Variants in TLL1 observed in about 807,000 individuals in gnomAD.
The protein encoded by TLL1 is tolloid like 1.
A neutral mutation model predicts 128.2 loss-of-function variants in TLL1; 49 were observed. The ratio of observed to expected loss-of-function variants is 0.38; its 90% confidence interval spans 0.30 to 0.48. TLL1 has a LOEUF of 0.48. Among genes scored for constraint, TLL1 ranks in the 20% least tolerant of loss-of-function variants. The pLI, the probability that TLL1 is intolerant of heterozygous loss-of-function variation, is 0.96. For missense variants in TLL1, 1,123 were observed against 1,242.0 expected (o/e 0.90, Z 1.44); for synonymous variants, 454 against 418.8 (o/e 1.08, Z -1.03).
intron 10 of TLL1, among the ~76,000 whole-genome samples, chr4:166,041,145 A>T (rs1739218028): frequency 6.6e-6 from 1 of 152,212 alleles, no homozygotes; most frequent in Admixed American, 6.5e-5. Flanking sequence ...GCCTAAACAG[A>T]TATAATCTAC....
At chr4:166,015,341 G>C (rs965250496) in intron 8 of TLL1, among the ~76,000 whole-genome samples, 3 of 151,882 alleles carry the variant, frequency 2.0e-5, no homozygotes, top group Admixed American at 6.6e-5. Context: ...TGGAAGTATT[G>C]TTCTAGATAC....
chr4:166,019,792 T>G (rs1738130157), intron 8 of TLL1, among the ~76,000 whole-genome samples: 1 of 152,168 alleles, frequency 6.6e-6, no homozygotes, highest in African/African-American at 2.4e-5. Flanking sequence ...AAAATCATAC[T>G]ATCAGTTTAT....
At chr4:166,000,957 C>A (rs973028785) in intron 5 of TLL1, among the ~76,000 whole-genome samples, 1 of 151,830 alleles carries the variant, frequency 6.6e-6, no homozygotes, top group Non-Finnish European at 1.5e-5. Flanking sequence ...CAAATTAATT[C>A]ATCTAACTGG....
At chr4:165,952,975 T>G (rs1734597925) in intron 1 of TLL1, among the ~76,000 whole-genome samples, 1 of 152,178 alleles carries the variant, frequency 6.6e-6, no homozygotes, top group South Asian at 2.1e-4. Flanking sequence ...TGTGTACGTT[T>G]ACTTACTTCT....
At chr4:166,011,200 G>A (rs1281719812) in intron 7 of TLL1, among the ~76,000 whole-genome samples, 1 of 151,350 alleles carries the variant, frequency 6.6e-6, no homozygotes, top group Non-Finnish European at 1.5e-5. Flanking sequence ...CAAAAAAAAT[G>A]TTGGGATTCT....
At chr4:166,096,495 T>C (rs532482896) in intron 19 of TLL1, among the ~76,000 whole-genome samples, 1 of 152,216 alleles carries the variant, frequency 6.6e-6, no homozygotes, top group Admixed American at 6.5e-5. Flanking sequence ...TCATTTTTCC[T>C]CTTCTGTTTA....
intron 1 of TLL1, among the ~76,000 whole-genome samples, chr4:165,880,441 C>T (rs1276955533): frequency 6.6e-6 from 1 of 152,128 alleles, no homozygotes; most frequent in Admixed American, 6.5e-5. Context: ...AAATGCTATC[C>T]ATTGTATTTT....
chr4:165,876,413 G>GT (rs1730724957), intron 1 of TLL1, among the ~76,000 whole-genome samples: 1 of 152,112 alleles, frequency 6.6e-6, no homozygotes, highest in African/African-American at 2.4e-5. Flanking sequence ...CAAAAGAGAA[G>GT]GTACTTTCCA....
chr4:166,046,701 A>G (rs888990347), intron 12 of TLL1, among the ~76,000 whole-genome samples: 1 of 152,166 alleles, frequency 6.6e-6, no homozygotes, highest in African/African-American at 2.4e-5. Flanking sequence ...TGTATGGTGT[A>G]TATATAGGGC....
rs57920393 is a variant in TLL1, at chr4:165,895,633, T to TAAAAAAA, written c.169+21583_169+21589dup. On this transcript the variant is annotated intron_variant, in intron 1 of 20. Transcript: ENST00000061240. ...CCAAAAAGCTCAGTAAGACTTTTTG[T>TAAAAAAA]AAAAAAAAAAAAAAAAAAAAAAAAA... 4.8e-4 allele frequency among the ~76,000 whole-genome samples: 33 copies of TAAAAAAA among 68,446 alleles called. 3 individuals carry two copies. The highest frequency in any genetic ancestry group is 2.5e-3 in the African/African-American group (25 of 9,922). The allele number at this position is 68,446 out of a possible 152,430, so 44.9% of individuals were successfully genotyped here.
intron 1 of TLL1, among the ~76,000 whole-genome samples, chr4:165,912,303 T>G (rs1381339107): frequency 3.9e-5 from 6 of 152,190 alleles, no homozygotes; most frequent in Non-Finnish European, 8.8e-5. Flanking sequence ...ATGTCCAGCT[T>G]GAGTGTCTGA....
chr4:166,077,024 A>G (rs1741065492), intron 17 of TLL1, among the ~76,000 whole-genome samples: 1 of 152,158 alleles, frequency 6.6e-6, no homozygotes, highest in Non-Finnish European at 1.5e-5. Context: ...CACCAAATAT[A>G]TTGCTCTGGA....
At chr4:166,005,898 A>C (rs17689892) in intron 6 of TLL1, among the ~76,000 whole-genome samples, 28,830 of 151,852 alleles carry the variant, frequency 0.19, 3,073 homozygotes, top group East Asian at 0.37. Context: ...ATCCTAAAAC[A>C]GTGCTAAGGA....
intron 1 of TLL1, among the ~76,000 whole-genome samples, chr4:165,896,403 G>T (rs989142202): frequency 6.6e-6 from 1 of 151,522 alleles, no homozygotes; most frequent in Admixed American, 6.6e-5. Context: ...ACGTGTGCAT[G>T]TGTCTTTATA....
intron 1 of TLL1, among the ~76,000 whole-genome samples, chr4:165,909,496 A>G (rs1452097159): frequency 1.3e-5 from 2 of 152,196 alleles, no homozygotes; most frequent in Non-Finnish European, 2.9e-5. Flanking sequence ...AGTTCCAAGG[A>G]CTTAGGTCTG....
intron 2 of TLL1, among the ~76,000 whole-genome samples, chr4:165,990,486 T>C (rs1318961147): frequency 1.3e-5 from 2 of 152,052 alleles, no homozygotes; most frequent in African/African-American, 4.8e-5. Context: ...TATGACCAGT[T>C]TTAAATATAT....
rs138712113 is a variant in TLL1, at chr4:165,881,837, G to T, written c.169+7764G>T. Among the ~76,000 whole-genome samples the T allele has an allele frequency of 2.8e-4, 42 of 152,318 alleles. No homozygotes were observed. In the East Asian group the frequency reaches 6.2e-3, roughly 22 times the overall value. On this transcript the variant is annotated intron_variant, in intron 1 of 20. Coordinates refer to ENST00000061240, the MANE Select transcript of TLL1 (RefSeq NM_012464.5). ...TCCATGTCCATTAAGACAGGGGCTG[G>T]GTTGGATGTGGGTAGAATTTAGTCA...
chr4:166,074,933 G>C lies in TLL1; in HGVS notation c.2244G>C (p.Thr748=), dbSNP rs115884871. The C allele has an allele frequency of 1.2e-6, 2 of 1,613,608 alleles. No homozygotes were observed. Among genetic ancestry groups the C allele is most frequent in the Admixed American group, 3.3e-5 (2 of 59,994 alleles). The change falls in exon 17 of 21, where the codon ACG becomes ACC. Residue 748 remains threonine (T), a synonymous_variant. Transcript: ENST00000061240. ...NGGCQHECVN[T]MGSYMCQCRN... is the part of the protein sequence containing the mutation. ...GATGTCAGCACGAATGTGTCAACAC[G>C]ATGGGGAGCTACATGTGTCAATGCC...
intron 17 of TLL1, among the ~76,000 whole-genome samples, chr4:166,076,695 G>A (rs1365671237): frequency 6.6e-6 from 1 of 152,166 alleles, no homozygotes; most frequent in Non-Finnish European, 1.5e-5. Flanking sequence ...ACATTGTGAG[G>A]CAGAGACAGG....
Sources: gnomAD v4.1 joint callset for allele counts (sites outside exome capture counted in the v4.1 genomes callset) on GRCh38, gnomAD v4.1.1 for gene constraint, MANE v1.5 for transcripts, NCBI Gene and HGNC (gene_info 2026-07-23, HGNC 2026-07-21) for gene names.